The following ST3GAL3 variants were observed in gnomAD, a reference collection of about 807,000 sequenced individuals.
The protein encoded by ST3GAL3 is ST3 beta-galactoside alpha-2,3-sialyltransferase 3.
In ST3GAL3, 21 loss-of-function variants were observed where a neutral mutation model predicts 50.1. The ratio of observed to expected loss-of-function variants is 0.42; its 90% CI spans 0.30 to 0.60. The LOEUF is 0.60. ST3GAL3 is among the 20% of genes least tolerant of loss of function. ST3GAL3 has a pLI of 0.19. For synonymous variants in ST3GAL3, 183 were observed against 190.0 expected (o/e 0.96, Z 0.30); for missense variants, 353 against 489.4 (o/e 0.72, Z 2.63).
At chr1:43,733,493 G>A (rs1035274076) in intron 1 of ST3GAL3, among the ~76,000 whole-genome samples, 5 of 152,254 alleles carry the variant, frequency 3.3e-5, no homozygotes, top group Admixed American at 2.6e-4. Flanking sequence ...AAACTCATTC[G>A]TATGTGTGCG....
chr1:43,785,646 C>T (rs1453134469), intron 2 of ST3GAL3, among the ~76,000 whole-genome samples: 1 of 152,138 alleles, frequency 6.6e-6, no homozygotes, highest in African/African-American at 2.4e-5. Context: ...TGATGCTCTG[C>T]CACTAATGTG....
chr1:43,784,814 A>G (rs1356205721), intron 2 of ST3GAL3, among the ~76,000 whole-genome samples: 1 of 152,228 alleles, frequency 6.6e-6, no homozygotes, highest in Non-Finnish European at 1.5e-5. Flanking sequence ...CACTGAAGTT[A>G]CAGATGCTCC....
chr1:43,814,759 C>T (rs1380647702), intron 3 of ST3GAL3, 132 bp from the exon 4 acceptor site: 5 of 872,510 alleles, frequency 5.7e-6, no homozygotes, highest in Admixed American at 1.7e-5. Context: ...TATTTAGTTA[C>T]GTTCTTTGAA....
chr1:43,724,135 G>A (rs925799816), intron 1 of ST3GAL3, among the ~76,000 whole-genome samples: 16 of 152,084 alleles, frequency 1.1e-4, no homozygotes, highest in Admixed American at 5.9e-4. Context: ...CCTTTAGAAT[G>A]TATTACTTTT....
At chr1:43,744,999 GAAAAAAGA>G (rs1683003962) in intron 2 of ST3GAL3, among the ~76,000 whole-genome samples, 1 of 74,140 alleles carries the variant, frequency 1.3e-5, no homozygotes, top group African/African-American at 2.9e-5. Flanking sequence ...TGAAAAAAAA[GAAAAAAGA>G]AAGAAAGAAA....
intron 6 of ST3GAL3, among the ~76,000 whole-genome samples, chr1:43,895,533 A>G (rs1334791589): frequency 1.3e-5 from 2 of 152,186 alleles, no homozygotes; most frequent in East Asian, 3.9e-4. Context: ...CAGCAGTTAA[A>G]TGGAGAGAAT....
At chr1:43,714,196 G>A (rs575432982) in intron 1 of ST3GAL3, among the ~76,000 whole-genome samples, 3 of 151,554 alleles carry the variant, frequency 2.0e-5, no homozygotes, top group South Asian at 2.1e-4. Flanking sequence ...CCCGGGAGGC[G>A]GAGGTTGCAG....
chr1:43,736,187 A>G, intron 1 of ST3GAL3, 46 bp from the exon 2 acceptor site: 2 of 1,531,148 alleles, frequency 1.3e-6, no homozygotes, highest in South Asian at 2.2e-5. Flanking sequence ...ATATATCAAT[A>G]AGATGAGTGC....
chr1:43,826,723 T>C (rs1460574474), intron 4 of ST3GAL3, among the ~76,000 whole-genome samples: 2 of 152,202 alleles, frequency 1.3e-5, no homozygotes, highest in Non-Finnish European at 2.9e-5. Flanking sequence ...AGTTCAGCAA[T>C]GTATAAAAAG....
chr1:43,851,905 G>A (rs1244345784), intron 5 of ST3GAL3, among the ~76,000 whole-genome samples: 3 of 152,188 alleles, frequency 2.0e-5, no homozygotes, highest in Non-Finnish European at 4.4e-5. Context: ...CTTGGTGCGG[G>A]ACTGCTAGTG....
At chr1:43,865,798 G>C (rs2071185058) in intron 5 of ST3GAL3, among the ~76,000 whole-genome samples, 1 of 152,184 alleles carries the variant, frequency 6.6e-6, no homozygotes, top group Non-Finnish European at 1.5e-5. Context: ...TAGCATTAAA[G>C]GGCCAAAGAA....
chr1:43,744,118 G>GT (rs956506611), intron 2 of ST3GAL3, among the ~76,000 whole-genome samples: 2 of 151,974 alleles, frequency 1.3e-5, no homozygotes, highest in Non-Finnish European at 2.9e-5. Context: ...GAATTTTAAT[G>GT]TTTTTTATTT....
intron 4 of ST3GAL3, among the ~76,000 whole-genome samples, chr1:43,835,903 A>G (rs889683849): frequency 6.6e-6 from 1 of 152,156 alleles, no homozygotes; most frequent in African/African-American, 2.4e-5. Context: ...GGCCTTCTGG[A>G]CTGTCTTCTC....
At chr1:43,815,673 C>A (rs966287127) in intron 4 of ST3GAL3, among the ~76,000 whole-genome samples, 3 of 152,070 alleles carry the variant, frequency 2.0e-5, no homozygotes, top group Admixed American at 2.0e-4. Context: ...CCACTCTGAG[C>A]CTCAGTTTCA....
chr1:43,756,244 A>G (rs1478524939), intron 2 of ST3GAL3, among the ~76,000 whole-genome samples: 1 of 152,172 alleles, frequency 6.6e-6, no homozygotes, highest in Admixed American at 6.6e-5. Context: ...TACATATTGT[A>G]TGGCACCATG....
intron 1 of ST3GAL3, among the ~76,000 whole-genome samples, chr1:43,714,826 T>C (rs1335420467): frequency 1.3e-5 from 2 of 152,198 alleles, no homozygotes; most frequent in Non-Finnish European, 2.9e-5. Context: ...TTTTTAAAGA[T>C]AGTAATGGAA....
chr1:43,916,437 A>G (rs912695249), intron 9 of ST3GAL3, among the ~76,000 whole-genome samples: 1 of 152,194 alleles, frequency 6.6e-6, no homozygotes, highest in African/African-American at 2.4e-5. Flanking sequence ...GAGAATCTCA[A>G]GTCAGTTCCC....
At chr1:43,773,560 G>C (rs1034815087) in intron 2 of ST3GAL3, among the ~76,000 whole-genome samples, 4 of 152,090 alleles carry the variant, frequency 2.6e-5, no homozygotes, top group Non-Finnish European at 4.4e-5. Context: ...TTTGTAGATG[G>C]ATAGATAGAT....
At chr1:43,713,422 A>C (rs1183696711) in intron 1 of ST3GAL3, among the ~76,000 whole-genome samples, 1 of 152,190 alleles carries the variant, frequency 6.6e-6, no homozygotes, top group Admixed American at 6.5e-5. Flanking sequence ...TTAATAATAA[A>C]AAACAGTTAT....
Sources: gnomAD v4.1 joint callset for allele counts (sites outside exome capture counted in the v4.1 genomes callset) on GRCh38, gnomAD v4.1.1 for gene constraint, MANE v1.5 for transcripts, NCBI Gene and HGNC (gene_info 2026-07-23, HGNC 2026-07-21) for gene names.